Variants in COL24A1 observed in about 807,000 individuals in gnomAD.
COL24A1 encodes the protein collagen type XXIV alpha 1 chain, also known as collagen alpha-1(XXIV) chain.
In COL24A1, 224 loss-of-function variants were observed where a neutral mutation model predicts 253.9. That is an observed-to-expected ratio of 0.88 (90% confidence interval 0.79 to 0.99). The LOEUF (loss-of-function observed/expected upper bound fraction) is 0.99. COL24A1 is among the 50% of genes least tolerant of loss of function. The pLI is 0.00. For missense variants in COL24A1, 2,131 were observed against 2,068.5 expected, an observed-to-expected ratio of 1.03 and a Z score of -0.59; for synonymous variants, 685 against 673.7, an observed-to-expected ratio of 1.02 and a Z score of -0.26.
At chr1:86,112,271 A>G (rs1436066391) in intron 5 of COL24A1, among the ~76,000 whole-genome samples, 1 of 152,164 alleles carries the variant, frequency 6.6e-6, no homozygotes, top group Non-Finnish European at 1.5e-5. Context: ...TCATAATCTT[A>G]TATTTCAGAG....
At chr1:85,779,032 G>T (rs914258099) in intron 52 of COL24A1, among the ~76,000 whole-genome samples, 1 of 151,892 alleles carries the variant, frequency 6.6e-6, no homozygotes, top group Non-Finnish European at 1.5e-5. Flanking sequence ...AAGAGATGGG[G>T]TCTCACTCTG....
intron 45 of COL24A1, among the ~76,000 whole-genome samples, chr1:85,822,799 AC>A (rs35509410): frequency 6.6e-6 from 1 of 152,012 alleles, no homozygotes; most frequent in African/African-American, 2.4e-5. Flanking sequence ...ATATCTGATC[AC>A]CCTTGATATT....
rs187379120 is a variant in COL24A1, at chr1:85,950,985, T to C, written c.2562+10264A>G. On this transcript the variant is annotated intron_variant, in intron 24 of 59. Transcript: ENST00000370571. ...TCTGCAAACGCTCCAGGTCATTTCATGCCTTCATGTTTTATTCTCATGCTG... is the reference window on the plus strand; with the variant it reads ...TCTGCAAACGCTCCAGGTCATTTCACGCCTTCATGTTTTATTCTCATGCTG... Among the ~76,000 whole-genome samples the C allele has an allele frequency of 2.1e-3, 321 of 152,332 alleles. 10 individuals are homozygous for C. In the South Asian group the frequency reaches 0.052, roughly 25 times the overall value.
At position 85,909,938 on chromosome 1, in the gene COL24A1, C is replaced by G. The variant is rs761602673; in HGVS notation, c.2670+12G>C. On this transcript the variant is annotated intron_variant, in intron 26 of 59. Transcript: ENST00000370571. ...CTTTGGAAACATATTTTTCAAATCA[C>G]TGAGCTCTTACCATAACACCTTTTT... The G allele has an allele frequency of 6.2e-7, 1 of 1,605,304 alleles. No individual in the cohort carries two copies. Among genetic ancestry groups the G allele is most frequent in the Non-Finnish European group, 8.5e-7 (1 of 1,172,512 alleles).
At chr1:86,131,321 G>A (rs1310814413) in intron 2 of COL24A1, among the ~76,000 whole-genome samples, 3 of 151,766 alleles carry the variant, frequency 2.0e-5, no homozygotes, top group Non-Finnish European at 4.4e-5. Context: ...AACTTTTAAT[G>A]AATTGTATCC....
At chr1:85,772,371 A>G (rs1465856225) in intron 53 of COL24A1, among the ~76,000 whole-genome samples, 1 of 151,842 alleles carries the variant, frequency 6.6e-6, no homozygotes, top group Admixed American at 6.6e-5. Context: ...ACTGTAAACT[A>G]GTTCAACCAT....
intron 43 of COL24A1, among the ~76,000 whole-genome samples, chr1:85,830,819 G>C (rs376938731): frequency 3.3e-5 from 5 of 152,240 alleles, no homozygotes; most frequent in South Asian, 2.1e-4. Context: ...TGCGCCCACT[G>C]TCTGGCACTC....
intron 55 of COL24A1, among the ~76,000 whole-genome samples, chr1:85,747,225 C>T (rs1665328354): frequency 6.6e-6 from 1 of 151,054 alleles, no homozygotes; most frequent in East Asian, 1.9e-4. Context: ...GATTCTCCTG[C>T]CTCTCAGCCT....
At position 85,787,777 on chromosome 1, in the gene COL24A1, G is replaced by T. The variant is rs910914627; in HGVS notation, c.3952-1316C>A. 4.6e-5 allele frequency among the ~76,000 whole-genome samples: 7 copies of T among 152,086 alleles called. No individual in the cohort carries two copies. The South Asian group carries it at 6.2e-4, about 14-fold the overall frequency. On this transcript the variant is annotated intron_variant, in intron 47 of 59. Coordinates refer to ENST00000370571, the MANE Select transcript of COL24A1 (RefSeq NM_152890.7). ...GGTATTTCTGGTATTCCTGGACTTT[G>T]GTTCCTTAAGGTCTTCGAGGAATCA... is the stretch of plus-strand genomic sequence containing the variant.
Position 85,874,668 on chromosome 1 carries a change from GT to G in COL24A1, c.3118del (p.Thr1040LeufsTer24). 1 of 1,612,542 alleles carries G rather than the reference GT, an allele frequency of 6.2e-7. No homozygotes were observed. The highest frequency in any genetic ancestry group is 2.2e-5 in the East Asian group (1 of 44,886). The part of the protein sequence containing the change: ...DVGTAGSVGG[T>X]GEPGLRGEPG... ...ACTCACCCGTAAACCTGGTTCCCCA[GT>G]TCCTCCAACACTGCCAGCAGTTCCA... On this transcript the variant is annotated frameshift_variant, in exon 35 of 60. Coordinates refer to ENST00000370571, the MANE Select transcript of COL24A1 (RefSeq NM_152890.7). LOFTEE classifies it high-confidence loss of function.
intron 28 of COL24A1, among the ~76,000 whole-genome samples, chr1:85,906,834 CATG>C (rs1684884818): frequency 6.6e-6 from 1 of 151,664 alleles, no homozygotes; most frequent in Non-Finnish European, 1.5e-5. Flanking sequence ...TTTATTTTGT[CATG>C]ATGTTATTTT....
At chr1:86,034,248 C>T (rs1016584320) in intron 12 of COL24A1, among the ~76,000 whole-genome samples, 1 of 152,038 alleles carries the variant, frequency 6.6e-6, no homozygotes, top group Non-Finnish European at 1.5e-5. Context: ...TCTGGCTGAA[C>T]AATCTTCAGT....
At chr1:86,056,383 T>C (rs1700663237) in intron 10 of COL24A1, among the ~76,000 whole-genome samples, 1 of 152,216 alleles carries the variant, frequency 6.6e-6, no homozygotes, top group South Asian at 2.1e-4. Context: ...CTTAGCTTAC[T>C]ATTTTTCTCA....
intron 20 of COL24A1, among the ~76,000 whole-genome samples, chr1:85,977,072 A>C (rs2100821071): frequency 6.6e-6 from 1 of 152,332 alleles, no homozygotes; most frequent in Middle Eastern, 3.4e-3. Flanking sequence ...CTCCAGCACC[A>C]GCCTGGAGCC....
intron 47 of COL24A1, among the ~76,000 whole-genome samples, chr1:85,790,442 C>A (rs1014211760): frequency 6.7e-6 from 1 of 150,234 alleles, no homozygotes; most frequent in African/African-American, 2.4e-5. Context: ...ATTCTTCTAT[C>A]TTTTCTTCTT....
At chr1:86,057,587 C>T (rs1700759729) in intron 10 of COL24A1, among the ~76,000 whole-genome samples, 1 of 152,146 alleles carries the variant, frequency 6.6e-6, no homozygotes, top group Admixed American at 6.5e-5. Context: ...CAGCCTTGAA[C>T]TACTATGAAT....
At chr1:85,854,957 CT>C (rs1678261112) in intron 37 of COL24A1, among the ~76,000 whole-genome samples, 1 of 152,096 alleles carries the variant, frequency 6.6e-6, no homozygotes, top group Non-Finnish European at 1.5e-5. Context: ...CTGCCTCGGC[CT>C]CCCAAATATT....
At chr1:86,146,607 C>T (rs558917316) in intron 1 of COL24A1, among the ~76,000 whole-genome samples, 7 of 151,706 alleles carry the variant, frequency 4.6e-5, no homozygotes, top group South Asian at 2.1e-4. Context: ...ACAAAAATAA[C>T]GCAAATTACA....
At chr1:85,869,960 G>A (rs1003697369) in intron 35 of COL24A1, among the ~76,000 whole-genome samples, 16 of 152,282 alleles carry the variant, frequency 1.1e-4, no homozygotes, top group Admixed American at 2.0e-4. Context: ...CCCATCTCAT[G>A]TGCAGAGACA....
Sources: gnomAD v4.1 joint callset for allele counts (sites outside exome capture counted in the v4.1 genomes callset) on GRCh38, gnomAD v4.1.1 for gene constraint, MANE v1.5 for transcripts, NCBI Gene and HGNC (gene_info 2026-07-23, HGNC 2026-07-21) for gene names.